The following BRCA2 variants were observed in gnomAD, a reference collection of about 807,000 sequenced individuals.
The protein encoded by BRCA2 is breast cancer type 2 susceptibility protein.
In BRCA2, 203 loss-of-function variants were observed where a neutral mutation model predicts 276.7. That is an observed-to-expected ratio of 0.73 (90% CI 0.65 to 0.82). The LOEUF (loss-of-function observed/expected upper bound fraction) is 0.82, where lower values mean the gene tolerates loss of function less well. BRCA2 is among the 40% of genes least tolerant of loss of function. The pLI, the probability that BRCA2 is intolerant of heterozygous loss-of-function variation, is 0.00. For missense variants in BRCA2, 3,920 were observed against 3,915.0 expected (o/e 1.00, Z -0.03); for synonymous variants, 1,289 against 1,338.4 (o/e 0.96, Z 0.81).
At chr13:32,323,019 A>C (rs1454971124) in intron 3 of BRCA2, among the ~76,000 whole-genome samples, 1 of 152,152 alleles carries the variant, frequency 6.6e-6, no homozygotes, top group East Asian at 1.9e-4. Context: ...TAGCTGTTGC[A>C]TTTTGTATTC....
intron 16 of BRCA2, among the ~76,000 whole-genome samples, chr13:32,360,684 A>G (rs2072732409): frequency 6.6e-6 from 1 of 152,140 alleles, no homozygotes; most frequent in African/African-American, 2.4e-5. Flanking sequence ...TGAAAAAATA[A>G]TTCTGGCTGT....
At position 32,326,544 on chromosome 13, in the gene BRCA2, G is replaced by A. The variant is rs1555281063; in HGVS notation, c.562G>A (p.Val188Met). ...KHISESLGAE[V>M]DPDMSWSSSL... ...TATTTCTGAAAGTCTAGGAGCTGAG[G>A]TGGATCCTGATATGTCTTGGTCAAG... The change falls in exon 7 of 27, where the codon GTG becomes ATG. Residue 188 changes from valine to methionine, a missense_variant. Physicochemically the swap from Val to Met is conservative, Grantham distance 21. Coordinates refer to ENST00000380152, the MANE Select transcript of BRCA2 (RefSeq NM_000059.4). 1 of 1,613,916 alleles carries A rather than the reference G, an allele frequency of 6.2e-7. No homozygotes were observed. The highest frequency in any genetic ancestry group is 1.3e-5 in the African/African-American group (1 of 74,942).
Position 32,336,756 on chromosome 13 carries a change from A to G in BRCA2, c.2401A>G (p.Asn801Asp), listed in dbSNP as rs765279896. 1.9e-6 allele frequency: 3 copies of G among 1,613,088 alleles called. No individual in the cohort carries two copies. Among genetic ancestry groups the G allele is most frequent in the Admixed American group, 1.7e-5 (1 of 59,814 alleles). Residue 801 changes from asparagine to aspartate, a missense_variant, in exon 11 of 27, where the codon AAC (asparagine) becomes GAC (aspartate). By Grantham distance (23) the Asn-to-Asp change is conservative. Coordinates refer to ENST00000380152, the MANE Select transcript of BRCA2 (RefSeq NM_000059.4). Reference sequence around the variant, plus strand: ...CAAAATGTCAGACAAGCTCAAAGGTAACAATTATGAATCTGATGTTGAATT... The same window carrying G: ...CAAAATGTCAGACAAGCTCAAAGGTGACAATTATGAATCTGATGTTGAATT... ...SYKMSDKLKG[N>D]NYESDVELTK...
rs397507910 is a variant in BRCA2 at position 32,355,156 on chromosome 13, C to G, written c.7303C>G (p.Gln2435Glu). Residue 2435 changes from glutamine to glutamate, a missense_variant, in exon 14 of 27, where the codon CAA becomes GAA. Around this residue, in one of 2 missense-constraint regions of BRCA2, gnomAD observed 3,263 missense variants for 3,156.9 expected, o/e 1.03. Transcript: ENST00000380152. ...TAACTTGGAGGAAAACAGACAAAAG[C>G]AAAACATTGATGGACATGGCTCTGA... The part of the protein sequence containing the change: ...NINLEENRQK[Q>E]NIDGHGSDDS... The G allele has an allele frequency of 1.3e-5, 21 of 1,611,552 alleles. 1 individual carries two copies. The South Asian group carries it at 2.3e-4, about 18-fold the overall frequency.
chr13:32,363,338 T>C lies in BRCA2; in HGVS notation c.8136T>C (p.Asp2712=). The stretch of plus-strand genomic sequence containing the variant: ...CTAGCAATAAAACTAGTAGTGCAGA[T>C]ACCCAAAAAGTGGCCATTATTGAAC... ...ETSSNKTSSA[D]TQKVAIIELT... is the part of the protein sequence containing the mutation. Residue 2712 remains aspartate, a synonymous_variant, in exon 18 of 27, where the codon GAT becomes GAC. Coordinates refer to ENST00000380152, the MANE Select transcript of BRCA2 (RefSeq NM_000059.4). 1 of 1,614,184 alleles carries C rather than the reference T, an allele frequency of 6.2e-7. No individual in the cohort carries two copies. Among genetic ancestry groups the C allele is most frequent in the Non-Finnish European group, 8.5e-7 (1 of 1,180,022 alleles).
rs11571831 is a variant in BRCA2, at chr13:32,398,243, G to C, written c.9730G>C (p.Val3244Leu). 1 of 1,614,000 alleles carries C rather than the reference G, an allele frequency of 6.2e-7. No homozygotes were observed. Among genetic ancestry groups the C allele is most frequent in the Admixed American group, 1.7e-5 (1 of 60,010 alleles). ...MAKRKSVSTPVSAQMTSKSCK... is the reference protein window; with the variant it reads ...MAKRKSVSTPLSAQMTSKSCK... ...CAAAAGGAAGTCTGTTTCCACACCTGTCTCAGCCCAGATGACTTCAAAGTC... is the reference window on the plus strand; with the variant it reads ...CAAAAGGAAGTCTGTTTCCACACCTCTCTCAGCCCAGATGACTTCAAAGTC... Residue 3244 changes from valine (V) to leucine (L), a missense_variant, in exon 27 of 27, where the codon GTC becomes CTC. By Grantham distance (32) the Val-to-Leu change is conservative (BLOSUM62 1). Coordinates refer to ENST00000380152, the MANE Select transcript of BRCA2 (RefSeq NM_000059.4).
rs41293477 is a variant in BRCA2, at chr13:32,337,513, T to G, written c.3158T>G (p.Leu1053Ter). 1.0e-5 allele frequency: 16 copies of G among 1,607,964 alleles called. No homozygotes were observed. The highest frequency in any genetic ancestry group is 1.4e-5 in the Non-Finnish European group (16 of 1,176,976). The change falls in exon 11 of 27, where the codon TTA (leucine) becomes TGA (stop). Residue 1053 changes from leucine to a stop codon, truncating the protein, a stop_gained. Transcript: ENST00000380152. LOFTEE classifies it high-confidence loss of function. Reference protein sequence around the residue: ...ACVEIVNTLALDNQKKLSKPQ... With the variant: ...ACVEIVNTLA ...GTTGAAATTGTAAATACCTTGGCAT[T>G]AGATAATCAAAAGAAACTGAGCAAG...
At position 32,326,525 on chromosome 13, in the gene BRCA2, T is replaced by G. The variant is rs2137452165; in HGVS notation, c.543T>G (p.Ser181=). Residue 181 remains serine, a synonymous_variant, in exon 7 of 27, where the codon TCT becomes TCG. Coordinates refer to ENST00000380152, the MANE Select transcript of BRCA2 (RefSeq NM_000059.4). ...VKGRQTPKHI[S]ESLGAEVDPD... ...GTCGTCAGACACCAAAACATATTTC[T>G]GAAAGTCTAGGAGCTGAGGTGGATC... The G allele has an allele frequency of 6.2e-7, 1 of 1,613,836 alleles. No homozygotes were observed. Among genetic ancestry groups the G allele is most frequent in the African/African-American group, 1.3e-5 (1 of 75,060 alleles).
Position 32,332,446 on chromosome 13 carries a change from T to G in BRCA2, c.968T>G (p.Val323Gly), listed in dbSNP as rs398122619. ...TGTAGAACAAAAAATCTACAAAAAG[T>G]AAGAACTAGCAAGACTAGGAAAAAA... Reference protein sequence around the residue: ...SKCRTKNLQKVRTSKTRKKIF... With the variant: ...SKCRTKNLQKGRTSKTRKKIF... Residue 323 changes from valine (V) to glycine (G), a missense_variant, in exon 10 of 27, where the codon GTA (valine) becomes GGA (glycine). Physicochemically the swap from Val to Gly is moderately radical, Grantham distance 109. Around this residue, in one of 2 missense-constraint regions of BRCA2, gnomAD observed 3,263 missense variants for 3,156.9 expected, o/e 1.03. Transcript: ENST00000380152. 6.3e-7 allele frequency: 1 copy of G among 1,588,758 alleles called. No individual in the cohort carries two copies. The highest frequency in any genetic ancestry group is 8.5e-7 in the Non-Finnish European group (1 of 1,171,858).
Position 32,330,132 on chromosome 13 carries a change from A to G in BRCA2, c.681+640A>G, listed in dbSNP as rs375158459. On this transcript the variant is annotated intron_variant, in intron 8 of 26. Coordinates refer to ENST00000380152, the MANE Select transcript of BRCA2 (RefSeq NM_000059.4). ...GGCTTGGTGTCATTCATTTCAGGGG[A>G]TCCCTTACTGAAGTTTTCGTTTAGG... 1.1e-4 allele frequency among the ~76,000 whole-genome samples: 17 copies of G among 152,244 alleles called. No individual in the cohort carries two copies. The South Asian group carries it at 3.5e-3, about 32-fold the overall frequency.
At chr13:32,396,644 C>A (rs2073038589) in intron 25 of BRCA2, among the ~76,000 whole-genome samples, 1 of 152,190 alleles carries the variant, frequency 6.6e-6, no homozygotes, top group South Asian at 2.1e-4. Context: ...AACTAGATGA[C>A]AGAGAAGATC....
intron 18 of BRCA2, among the ~76,000 whole-genome samples, chr13:32,368,540 A>C (rs904121493): frequency 2.6e-5 from 4 of 151,002 alleles, no homozygotes; most frequent in Non-Finnish European, 5.9e-5. Context: ...TTTTAATGAA[A>C]ACCTTTGTCT....
chr13:32,332,449 G>A lies in BRCA2; in HGVS notation c.971G>A (p.Arg324Lys), dbSNP rs397507435. 3.1e-6 allele frequency: 5 copies of A among 1,592,062 alleles called. No homozygotes were observed. The Admixed American group carries it at 9.2e-5, about 29-fold the overall frequency. Residue 324 changes from arginine to lysine, a missense_variant, in exon 10 of 27, where the codon AGA becomes AAA. Physicochemically the swap from Arg to Lys is conservative, Grantham distance 26. Transcript: ENST00000380152. ...KCRTKNLQKV[R>K]TSKTRKKIFH... ...AGAACAAAAAATCTACAAAAAGTAA[G>A]AACTAGCAAGACTAGGAAAAAAATT...
intron 20 of BRCA2, among the ~76,000 whole-genome samples, chr13:32,372,472 C>A (rs576572697): frequency 6.6e-6 from 1 of 152,226 alleles, no homozygotes; most frequent in East Asian, 1.9e-4. Context: ...AAGCAAGTAC[C>A]CTTTTCATAA....
intron 3 of BRCA2, among the ~76,000 whole-genome samples, chr13:32,320,660 A>C (rs1467861702): frequency 6.6e-6 from 1 of 152,240 alleles, no homozygotes; most frequent in Non-Finnish European, 1.5e-5. Context: ...ATGCTTTGAA[A>C]GAAATTCATG....
chr13:32,369,783 CG>C (rs1426574167), intron 18 of BRCA2, among the ~76,000 whole-genome samples: 3 of 151,976 alleles, frequency 2.0e-5, no homozygotes, highest in Non-Finnish European at 4.4e-5. Context: ...CATGTTGGCC[CG>C]GGTGGTCTCG....
Position 32,336,544 on chromosome 13 carries a change from A to T in BRCA2, c.2189A>T (p.Lys730Ile). The T allele has an allele frequency of 6.2e-7, 1 of 1,614,080 alleles. No individual in the cohort carries two copies. The change falls in exon 11 of 27, where the codon AAA becomes ATA. Residue 730 changes from lysine to isoleucine, a missense_variant. Lys to Ile is a moderately radical substitution (Grantham distance 102, BLOSUM62 -3). Coordinates refer to ENST00000380152, the MANE Select transcript of BRCA2 (RefSeq NM_000059.4). Reference protein sequence around the residue: ...DPKSKKVSDIKEEVLAAACHP... With the variant: ...DPKSKKVSDIIEEVLAAACHP... ...AAAAGCAAAAAAGTTTCAGATATAAAAGAAGAGGTCTTGGCTGCAGCATGT... is the reference window on the plus strand; with the variant it reads ...AAAAGCAAAAAAGTTTCAGATATAATAGAAGAGGTCTTGGCTGCAGCATGT...
At chr13:32,368,521 A>AT (rs373018731) in intron 18 of BRCA2, among the ~76,000 whole-genome samples, 2,017 of 117,774 alleles carry the variant, frequency 0.017, 34 homozygotes, top group African/African-American at 0.055. Context: ...TGCTCCCTGC[A>AT]TTTTTTTTTT....
At chr13:32,323,223 G>T (rs2072319057) in intron 3 of BRCA2, among the ~76,000 whole-genome samples, 1 of 150,510 alleles carries the variant, frequency 6.6e-6, no homozygotes, top group African/African-American at 2.5e-5. Context: ...CGTGATCTTG[G>T]CTCACTGCAA....
Sources: gnomAD v4.1 joint callset for allele counts (sites outside exome capture counted in the v4.1 genomes callset) on GRCh38, gnomAD v4.1.1 for gene constraint, gnomAD v4.1.1 regional missense constraint, MANE v1.5 for transcripts, NCBI Gene and HGNC (gene_info 2026-07-23, HGNC 2026-07-21) for gene names.